The following SHISA9 variants were observed in gnomAD, a reference collection of about 807,000 sequenced individuals.
SHISA9 encodes shisa family member 9.
Under a neutral mutation model 38.0 loss-of-function variants are expected in SHISA9, and 13 were observed. That is an observed-to-expected ratio of 0.34 (90% CI 0.22 to 0.54). The LOEUF (loss-of-function observed/expected upper bound fraction) is 0.54, where lower values mean the gene tolerates loss of function less well. Among genes scored for constraint, SHISA9 ranks in the 20% least tolerant of loss-of-function variants. The probability of loss-of-function intolerance (pLI) is 0.91; values close to 1 mark genes in which losing one functional copy is unlikely to be tolerated. For synonymous variants in SHISA9, 275 were observed against 242.0 expected, an observed-to-expected ratio of 1.14 and a Z score of -1.27; for missense variants, 538 against 575.8, an observed-to-expected ratio of 0.93 and a Z score of 0.67.
In SHISA9 at chr16:13,102,884, C is replaced by T. The variant is rs138390297; in HGVS notation, c.692-100510C>T. Among the ~76,000 whole-genome samples the T allele has an allele frequency of 4.6e-5, 7 of 152,326 alleles. 1 individual carries two copies. Among genetic ancestry groups the T allele is most frequent in the African/African-American group, 1.7e-4 (7 of 41,582 alleles). On this transcript the variant is annotated intron_variant, in intron 2 of 4. Transcript: ENST00000558583. ...AATTTAAAAGGATAAATTGCTCACT[C>T]AACTTCCAGACTTTTCATTCAGAAG...
intron 2 of SHISA9, among the ~76,000 whole-genome samples, chr16:13,159,742 A>C (rs973307696): frequency 1.3e-5 from 2 of 152,232 alleles, no homozygotes; most frequent in African/African-American, 4.8e-5. Flanking sequence ...TGTTCACATC[A>C]TTTGCCCATT....
the SHISA9 span, among the ~76,000 whole-genome samples, chr16:13,454,553 G>C: frequency 7.2e-5 from 11 of 152,294 alleles, no homozygotes; most frequent in African/African-American, 2.4e-4. Flanking sequence ...TTGTTTTACA[G>C]ATGAGGGAGG....
At chr16:13,229,976 C>T (rs970081508) in intron 4 of SHISA9, among the ~76,000 whole-genome samples, 2 of 152,176 alleles carry the variant, frequency 1.3e-5, no homozygotes, top group African/African-American at 4.8e-5. Context: ...CTTCATAGCA[C>T]TTACCATAGT....
At chr16:13,167,972 T>C (rs913809033) in intron 2 of SHISA9, among the ~76,000 whole-genome samples, 1 of 152,196 alleles carries the variant, frequency 6.6e-6, no homozygotes, top group Non-Finnish European at 1.5e-5. Context: ...TGATAGTTTC[T>C]CATTATTCAG....
At chr16:13,463,947 A>T in the SHISA9 span, among the ~76,000 whole-genome samples, 1 of 152,146 alleles carries the variant, frequency 6.6e-6, no homozygotes, top group African/African-American at 2.4e-5. Flanking sequence ...TTCTTTAAAA[A>T]TTTTTTCCTA....
the SHISA9 span, among the ~76,000 whole-genome samples, chr16:13,339,404 G>A: frequency 7.2e-4 from 109 of 152,172 alleles, no homozygotes; most frequent in Non-Finnish European, 1.5e-3. Context: ...AAACAGACTT[G>A]GATTTGAATC....
At chr16:13,511,125 A>G in the SHISA9 span, among the ~76,000 whole-genome samples, 1 of 152,210 alleles carries the variant, frequency 6.6e-6, no homozygotes, top group African/African-American at 2.4e-5. Flanking sequence ...CTACTAATAA[A>G]TCAATTAATT....
At chr16:12,933,848 T>C (rs1037098252) in intron 2 of SHISA9, among the ~76,000 whole-genome samples, 2 of 152,128 alleles carry the variant, frequency 1.3e-5, no homozygotes, top group Non-Finnish European at 2.9e-5. Flanking sequence ...CGGGAGCCTA[T>C]GTTATAGTGG....
chr16:13,060,313 G>C (rs1010398650), intron 2 of SHISA9, among the ~76,000 whole-genome samples: 65 of 152,134 alleles, frequency 4.3e-4, no homozygotes, highest in African/African-American at 1.4e-3. Flanking sequence ...ACCATCCCCA[G>C]AATGCATGCC....
chr16:13,220,861 A>G, intron 4 of SHISA9, among the ~76,000 whole-genome samples: 1 of 152,064 alleles, frequency 6.6e-6, no homozygotes. Flanking sequence ...CTAAGTGAAG[A>G]GAGAAAGGGC....
the SHISA9 span, among the ~76,000 whole-genome samples, chr16:13,537,358 G>C: frequency 6.6e-6 from 1 of 150,650 alleles, no homozygotes; most frequent in East Asian, 2.0e-4. Flanking sequence ...AACTTGGGAG[G>C]TGGAGGTTGC....
intron 2 of SHISA9, among the ~76,000 whole-genome samples, chr16:13,008,717 G>A (rs958065856): frequency 7.6e-6 from 1 of 131,748 alleles, no homozygotes; most frequent in Non-Finnish European, 1.5e-5. Context: ...TGTAAGATAT[G>A]CCTTGCTTCC....
rs867062583 is a variant in SHISA9, at chr16:12,902,032, G to C, written c.-33G>C. 3 of 1,426,920 alleles carry C rather than the reference G, an allele frequency of 2.1e-6. No homozygotes were observed. The highest frequency in any genetic ancestry group is 1.4e-5 in the South Asian group (1 of 70,162). The allele number at this position is 1,426,920 out of a possible 1,614,324, so 88.4% of individuals were successfully genotyped here. A position where few individuals can be genotyped will look rare whatever the true frequency, so the allele number is the denominator to read the frequency against. Reference sequence around the variant, plus strand: ...AGGCGGCCGCAGAGGCTCCAGCGGCGGCCGAGCGGCCGAGCCCGGGCTGGG... The same window carrying C: ...AGGCGGCCGCAGAGGCTCCAGCGGCCGCCGAGCGGCCGAGCCCGGGCTGGG... On this transcript the variant is annotated 5_prime_UTR_variant, in exon 1 of 5. Transcript: ENST00000558583.
the SHISA9 span, among the ~76,000 whole-genome samples, chr16:13,513,479 A>C: frequency 6.6e-6 from 1 of 152,336 alleles, no homozygotes; most frequent in South Asian, 2.1e-4. Context: ...CAGCAATCCC[A>C]TTATTGGGTA....
chr16:13,352,242 T>A, the SHISA9 span, among the ~76,000 whole-genome samples: 1 of 152,236 alleles, frequency 6.6e-6, no homozygotes, highest in East Asian at 1.9e-4. Flanking sequence ...CATGGTCTGA[T>A]TTCTTTGACT....
At chr16:13,415,241 G>A in the SHISA9 span, among the ~76,000 whole-genome samples, 1 of 152,134 alleles carries the variant, frequency 6.6e-6, no homozygotes, top group Non-Finnish European at 1.5e-5. Context: ...TATACACCGT[G>A]GAATACTATG....
At chr16:13,190,581 G>A (rs2050875082) in intron 2 of SHISA9, among the ~76,000 whole-genome samples, 1 of 152,102 alleles carries the variant, frequency 6.6e-6, no homozygotes, top group Non-Finnish European at 1.5e-5. Flanking sequence ...TGCTTGCGCG[G>A]GAACCTCTGT....
intron 2 of SHISA9, among the ~76,000 whole-genome samples, chr16:13,156,617 CCAGCTACT>C: frequency 6.6e-6 from 1 of 151,866 alleles, no homozygotes; most frequent in East Asian, 1.9e-4. Context: ...GCCTGCAGTC[CCAGCTACT>C]CAGGAGGCTG....
the SHISA9 span, among the ~76,000 whole-genome samples, chr16:13,504,206 C>T: frequency 6.6e-6 from 1 of 152,110 alleles, no homozygotes; most frequent in African/African-American, 2.4e-5. Context: ...TTGCATAATT[C>T]ACATAAAGCA....
Sources: gnomAD v4.1 joint callset for allele counts (sites outside exome capture counted in the v4.1 genomes callset) on GRCh38, gnomAD v4.1.1 for gene constraint, MANE v1.5 for transcripts, NCBI Gene and HGNC (gene_info 2026-07-23, HGNC 2026-07-21) for gene names.